The following C21orf58 variants were observed in gnomAD, a reference collection of about 807,000 sequenced individuals.
C21orf58 encodes the protein uncharacterized protein C21orf58.
A neutral mutation model predicts 35.8 loss-of-function variants in C21orf58; 34 were observed. That is an observed-to-expected ratio of 0.95 (90% confidence interval 0.72 to 1.26). The LOEUF (loss-of-function observed/expected upper bound fraction) is 1.26, where lower values mean the gene tolerates loss of function less well. Ranked by LOEUF, C21orf58 falls within the 50% of genes most tolerant of loss-of-function variation. The pLI, the probability that C21orf58 is intolerant of heterozygous loss-of-function variation, is 0.00. For synonymous variants in C21orf58, 191 were observed against 175.8 expected, an observed-to-expected ratio of 1.09 and a Z score of -0.68; for missense variants, 440 against 414.3, an observed-to-expected ratio of 1.06 and a Z score of -0.54.
intron 1 of C21orf58, chr21:46,319,161 G>A (rs1462167048): frequency 2.0e-5 from 3 of 152,452 alleles, no homozygotes; most frequent in Non-Finnish European, 4.4e-5. Context: ...GTGATTGGGT[G>A]AAGGCTGGCT....
In C21orf58 at chr21:46,302,169, C is replaced by T. The variant is rs1440423641; in HGVS notation, c.814-15G>A. The T allele has an allele frequency of 2.0e-6, 3 of 1,465,640 alleles. No individual in the cohort carries two copies. The highest frequency in any genetic ancestry group is 2.8e-5 in the African/African-American group (2 of 70,810). 90.8% of individuals were successfully genotyped at this position (1,465,640 alleles called of 1,614,324 possible). ...TGTGGCGGGTCCTGCCACAGACGCA[C>T]CTGCTGCTTAGGACGCAGCCCAGGC... On this transcript the variant is annotated splice_polypyrimidine_tract_variant and intron_variant, in intron 7 of 7. Coordinates refer to ENST00000291691, the MANE Select transcript of C21orf58 (RefSeq NM_058180.5).
chr21:46,302,175 G>GC, intron 7 of C21orf58, 21 bp from the exon 8 acceptor site: 3 of 1,456,326 alleles, frequency 2.1e-6, no homozygotes, highest in Non-Finnish European at 2.7e-6. Context: ...CGCACCTGCT[G>GC]CTTAGGACGC....
chr21:46,323,753 C>T lies in C21orf58; in HGVS notation c.-1015G>A, dbSNP rs758963919. On this transcript the variant is annotated 5_prime_UTR_variant, in exon 1 of 8. Transcript: ENST00000291691. ...GCGGGAGAAAACGGCCTGGCCCTGT[C>T]CGGGTGGTTGCTGAGCACCGTTCGG... 4 of 256,866 alleles carry T rather than the reference C, an allele frequency of 1.6e-5. No homozygotes were observed. Among genetic ancestry groups the T allele is most frequent in the Non-Finnish European group, 3.1e-5 (4 of 130,288 alleles). The allele number at this position is 256,866 out of a possible 1,614,324, so 15.9% of individuals were successfully genotyped here. A position where few individuals can be genotyped will look rare whatever the true frequency, so the allele number is the denominator to read the frequency against.
chr21:46,310,457 C>T (rs1226571192), intron 6 of C21orf58, among the ~76,000 whole-genome samples: 2 of 147,452 alleles, frequency 1.4e-5, no homozygotes, highest in South Asian at 4.3e-4. Flanking sequence ...CCTATCTGTG[C>T]AACAAGAGCG....
At chr21:46,304,747 C>G (rs149106815) in intron 6 of C21orf58, among the ~76,000 whole-genome samples, 1 of 152,104 alleles carries the variant, frequency 6.6e-6, no homozygotes, top group African/African-American at 2.4e-5. Context: ...CCTAGGCATG[C>G]GTTCCATTAG....
chr21:46,312,782 G>A (rs1316701340), intron 5 of C21orf58, among the ~76,000 whole-genome samples: 3 of 152,210 alleles, frequency 2.0e-5, no homozygotes, highest in Non-Finnish European at 2.9e-5. Context: ...GGGCAGACCC[G>A]TGGGTAGGAT....
At chr21:46,311,369 C>T in intron 6 of C21orf58, 87 bp downstream of exon 6, 1 of 669,888 alleles carries the variant, frequency 1.5e-6, no homozygotes, top group Non-Finnish European at 2.4e-6. Flanking sequence ...AAAGCTGGCC[C>T]TAAGTGACTG....
At chr21:46,314,547 C>T (rs564411228) in intron 5 of C21orf58, among the ~76,000 whole-genome samples, 169 bp downstream of exon 5, 2 of 152,324 alleles carry the variant, frequency 1.3e-5, no homozygotes, top group South Asian at 4.1e-4. Context: ...TCCGGGGAGG[C>T]CCAGGCAGTG....
In C21orf58 at chr21:46,308,783, A is replaced by C. The variant is rs567230040; in HGVS notation, c.721+2673T>G. Among the ~76,000 whole-genome samples the C allele has an allele frequency of 9.2e-5, 14 of 152,278 alleles. No individual in the cohort carries two copies. The South Asian group carries it at 2.9e-3, about 32-fold the overall frequency. The stretch of plus-strand genomic sequence containing the variant: ...CCTTTATGAATGGATTAATGCATAC[A>C]TGAGATAATGGATTAATGATTTCAT... On this transcript the variant is annotated intron_variant, in intron 6 of 7. Transcript: ENST00000291691.
intron 6 of C21orf58, among the ~76,000 whole-genome samples, chr21:46,305,982 C>T (rs1247930172): frequency 6.6e-6 from 1 of 151,566 alleles, no homozygotes; most frequent in Non-Finnish European, 1.5e-5. Flanking sequence ...GTGCTATAAT[C>T]CCAGCTACTT....
intron 1 of C21orf58, among the ~76,000 whole-genome samples, chr21:46,321,631 T>C (rs977246699): frequency 1.3e-5 from 2 of 152,196 alleles, no homozygotes; most frequent in African/African-American, 4.8e-5. Flanking sequence ...GACTGCAGGT[T>C]ACAGAAAGGA....
intron 1 of C21orf58, chr21:46,318,614 G>A: frequency 9.0e-7 from 1 of 1,108,156 alleles, no homozygotes; most frequent in Non-Finnish European, 1.1e-6. Flanking sequence ...CTCAGAGCAA[G>A]CAGGGAAGAC....
intron 1 of C21orf58, 31 bp from the exon 2 acceptor site, chr21:46,318,251 T>G: frequency 1.2e-6 from 2 of 1,609,470 alleles, no homozygotes; most frequent in Non-Finnish European, 1.7e-6. Flanking sequence ...TGTGGGAAGA[T>G]AGCCACACCC....
At position 46,318,129 on chromosome 21, in the gene C21orf58, C is replaced by T. The variant is rs368292511; in HGVS notation, c.192G>A (p.Arg64=). The T allele has an allele frequency of 4.9e-4, 784 of 1,613,168 alleles. 1 individual carries two copies. Among genetic ancestry groups the T allele is most frequent in the Non-Finnish European group, 6.2e-4 (728 of 1,180,022 alleles). The stretch of plus-strand genomic sequence containing the variant: ...GGGGAGGCCACAGCCCACCTCCCTC[C>T]CTGGTTCTGTTACTCGCAGGAAAGA... ...EQFFPASNRT[R]EGGGLWPPLP... is the part of the protein sequence containing the mutation. Residue 64 remains arginine, a synonymous_variant, in exon 2 of 8, where the codon AGG becomes AGA. Coordinates refer to ENST00000291691, the MANE Select transcript of C21orf58 (RefSeq NM_058180.5).
intron 1 of C21orf58, among the ~76,000 whole-genome samples, chr21:46,322,044 T>C (rs1056314003): frequency 6.6e-6 from 1 of 151,952 alleles, no homozygotes; most frequent in Admixed American, 6.6e-5. Flanking sequence ...ACTCCAGCAC[T>C]TTGAGAGGCC....
rs1278455301 is a variant in C21orf58, at chr21:46,317,917, C to T, written c.309+95G>A. ...AGCCCCAGGCCTAGCCCTTGGGGCC[C>T]TGCATTCTGCACCTGCAGGGCTGTC... On this transcript the variant is annotated intron_variant, in intron 2 of 7. Coordinates refer to ENST00000291691, the MANE Select transcript of C21orf58 (RefSeq NM_058180.5). 3.6e-6 allele frequency: 5 copies of T among 1,395,652 alleles called. No individual in the cohort carries two copies. The East Asian group carries it at 1.2e-4, about 34-fold the overall frequency. The allele number at this position is 1,395,652 out of a possible 1,614,324, so 86.5% of individuals were successfully genotyped here. A position where few individuals can be genotyped will look rare whatever the true frequency, so the allele number is the denominator to read the frequency against.
downstream of C21orf58, chr21:46,301,113 A>G (rs1409067497): frequency 1.1e-5 from 11 of 1,004,174 alleles, no homozygotes; most frequent in Non-Finnish European, 1.3e-5. Flanking sequence ...CTCAAAAGGG[A>G]TCACGTCATA....
At position 46,302,065 on chromosome 21, in the gene C21orf58, C is replaced by T. The variant is rs1442434258; in HGVS notation, c.903G>A (p.Val301=). The change falls in exon 8 of 8, where the codon GTG becomes GTA. Residue 301 remains valine (V), a synonymous_variant. Transcript: ENST00000291691. ...VHHHHHHHHA[V]WPPGAATVLQ... ...GGACAGTGGCAGCCCCAGGTGGCCA[C>T]ACAGCATGGTGGTGGTGGTGGTGGT... 5.3e-6 allele frequency: 8 copies of T among 1,519,568 alleles called. No homozygotes were observed. In the Admixed American group the frequency reaches 1.7e-4, roughly 33 times the overall value. 94.1% of individuals were successfully genotyped at this position (1,519,568 alleles called of 1,614,324 possible).
At chr21:46,303,793 C>T (rs1487643256) in intron 6 of C21orf58, among the ~76,000 whole-genome samples, 5 of 124,460 alleles carry the variant, frequency 4.0e-5, no homozygotes, top group Non-Finnish European at 8.0e-5. Context: ...GCTCTGTCGC[C>T]GAGGCTGGAG....
Sources: gnomAD v4.1 joint callset for allele counts (sites outside exome capture counted in the v4.1 genomes callset) on GRCh38, gnomAD v4.1.1 for gene constraint, MANE v1.5 for transcripts, NCBI Gene and HGNC (gene_info 2026-07-23, HGNC 2026-07-21) for gene names.